Variants in FNDC3B observed in about 807,000 individuals in gnomAD.
The protein encoded by FNDC3B is fibronectin type III domain containing 3B.
A neutral mutation model predicts 151.5 loss-of-function variants in FNDC3B; 12 were observed. The observed-to-expected ratio is 0.08, with a 90% CI of 0.05 to 0.13. The LOEUF (loss-of-function observed/expected upper bound fraction) is 0.13, where lower values mean the gene tolerates loss of function less well. Among genes scored for constraint, FNDC3B ranks in the 10% least tolerant of loss-of-function variants. The pLI, the probability that FNDC3B is intolerant of heterozygous loss-of-function variation, is 1.00. For synonymous variants in FNDC3B, 528 were observed against 549.0 expected, an observed-to-expected ratio of 0.96 and a Z score of 0.54; for missense variants, 1,214 against 1,505.3, an observed-to-expected ratio of 0.81 and a Z score of 3.20.
intron 6 of FNDC3B, among the ~76,000 whole-genome samples, chr3:172,256,492 C>A (rs1728353671): frequency 1.3e-5 from 2 of 152,212 alleles, no homozygotes; most frequent in Admixed American, 1.3e-4. Flanking sequence ...GGGCCTTGAG[C>A]CTGTTCTGTG....
intron 3 of FNDC3B, chr3:172,186,714 G>T (rs1486328612): frequency 1.4e-6 from 1 of 702,190 alleles, no homozygotes; most frequent in South Asian, 1.5e-5. Flanking sequence ...TTTAACAGAT[G>T]AAGTGGTGAA....
At chr3:172,370,340 A>G (rs966206030) in intron 23 of FNDC3B, among the ~76,000 whole-genome samples, 20 of 152,336 alleles carry the variant, frequency 1.3e-4, no homozygotes, top group African/African-American at 4.8e-4. Flanking sequence ...AAAATAAAGG[A>G]ACATTTAAAG....
At chr3:172,183,956 A>G (rs1724048744) in intron 3 of FNDC3B, among the ~76,000 whole-genome samples, 1 of 152,232 alleles carries the variant, frequency 6.6e-6, no homozygotes, top group Admixed American at 6.5e-5. Flanking sequence ...TATGCCAGGT[A>G]CATGGCTAGA....
At chr3:172,251,894 C>T (rs944518368) in intron 6 of FNDC3B, among the ~76,000 whole-genome samples, 1 of 152,146 alleles carries the variant, frequency 6.6e-6, no homozygotes, top group African/African-American at 2.4e-5. Flanking sequence ...AAAGTGTAGG[C>T]TAGTTTAAAT....
At chr3:172,206,194 A>G (rs577839670) in intron 3 of FNDC3B, among the ~76,000 whole-genome samples, 182 of 152,288 alleles carry the variant, frequency 1.2e-3, no homozygotes, top group Non-Finnish European at 2.2e-3. Flanking sequence ...TATAGGAGTA[A>G]TGTTTATTGC....
chr3:172,329,396 A>G (rs886488980), intron 12 of FNDC3B: 11 of 251,746 alleles, frequency 4.4e-5, no homozygotes, highest in Admixed American at 3.8e-4. Flanking sequence ...TTTTTCTTTT[A>G]TCACTTTAGC....
intron 1 of FNDC3B, among the ~76,000 whole-genome samples, chr3:172,043,072 G>A (rs963975047): frequency 2.0e-5 from 3 of 151,930 alleles, no homozygotes; most frequent in South Asian, 2.1e-4. Flanking sequence ...TTGCCACCAC[G>A]CCCGGCTAAT....
intron 3 of FNDC3B, among the ~76,000 whole-genome samples, chr3:172,134,988 TAA>T (rs776856315): frequency 2.0e-4 from 28 of 138,672 alleles, no homozygotes; most frequent in African/African-American, 4.5e-4. Flanking sequence ...CCCTGTATCT[TAA>T]AAAAAAAAAA....
chr3:172,211,902 A>C (rs1051764506), intron 3 of FNDC3B, among the ~76,000 whole-genome samples: 4 of 152,208 alleles, frequency 2.6e-5, no homozygotes, highest in African/African-American at 9.6e-5. Flanking sequence ...CAATTCTTTG[A>C]TCTTAGCTGT....
intron 4 of FNDC3B, chr3:172,237,526 A>G (rs1290065923): frequency 1.3e-5 from 2 of 152,232 alleles, no homozygotes; most frequent in East Asian, 1.9e-4. Flanking sequence ...TCCTATGCTG[A>G]TCAGTACTGG....
At chr3:172,088,015 C>G (rs553571332) in intron 1 of FNDC3B, among the ~76,000 whole-genome samples, 1 of 152,068 alleles carries the variant, frequency 6.6e-6, no homozygotes, top group Admixed American at 6.6e-5. Flanking sequence ...CTCAGCCATT[C>G]GTTTTTTTCA....
At chr3:172,309,237 A>G (rs1004578746) in intron 10 of FNDC3B, among the ~76,000 whole-genome samples, 1 of 152,204 alleles carries the variant, frequency 6.6e-6, no homozygotes, top group Non-Finnish European at 1.5e-5. Context: ...GGACAGGGGA[A>G]CATTCTCTGG....
chr3:172,304,889 T>C (rs1008076798), intron 9 of FNDC3B, among the ~76,000 whole-genome samples: 18 of 148,742 alleles, frequency 1.2e-4, no homozygotes, highest in Non-Finnish European at 2.4e-4. Flanking sequence ...AGAGCGAGAC[T>C]TCATCTGAAA....
intron 1 of FNDC3B, among the ~76,000 whole-genome samples, chr3:172,054,839 C>T (rs144382424): frequency 5.5e-4 from 83 of 152,292 alleles, no homozygotes; most frequent in African/African-American, 1.9e-3. Flanking sequence ...TCAGGACTTG[C>T]TGTGGTAGGT....
At chr3:172,326,862 A>G (rs991190759) in intron 11 of FNDC3B, among the ~76,000 whole-genome samples, 2 of 152,258 alleles carry the variant, frequency 1.3e-5, no homozygotes, top group Middle Eastern at 3.4e-3. Flanking sequence ...AAAGGAGACC[A>G]AATAAAGAAA....
intron 3 of FNDC3B, chr3:172,225,472 C>A: frequency 4.2e-6 from 1 of 236,430 alleles, no homozygotes; most frequent in South Asian, 6.5e-5. Context: ...CAATATTTGC[C>A]ACAATAATGT....
At chr3:172,310,509 A>C (rs1410519423) in intron 10 of FNDC3B, among the ~76,000 whole-genome samples, 1 of 152,222 alleles carries the variant, frequency 6.6e-6, no homozygotes, top group African/African-American at 2.4e-5. Flanking sequence ...GCTTGAATTC[A>C]AAGTCCCTCT....
chr3:172,126,736 C>T (rs1004258284), intron 2 of FNDC3B, among the ~76,000 whole-genome samples: 12 of 152,180 alleles, frequency 7.9e-5, no homozygotes, highest in African/African-American at 2.9e-4. Flanking sequence ...GCTTGTGGGT[C>T]AGAAAACTGA....
intron 3 of FNDC3B, among the ~76,000 whole-genome samples, chr3:172,159,648 C>A (rs1449462812): frequency 6.6e-6 from 1 of 152,126 alleles, no homozygotes. Context: ...GTCTAAAGTT[C>A]TGTACAGCTG....
Sources: gnomAD v4.1 joint callset for allele counts (sites outside exome capture counted in the v4.1 genomes callset) on GRCh38, gnomAD v4.1.1 for gene constraint, MANE v1.5 for transcripts, NCBI Gene and HGNC (gene_info 2026-07-23, HGNC 2026-07-21) for gene names.